SEC16B: variants seen among roughly 807,000 people sequenced by gnomAD.
SEC16B encodes the protein SEC16 homolog B, endoplasmic reticulum export factor.
A neutral mutation model predicts 141.8 loss-of-function variants in SEC16B; 115 were observed. The ratio of observed to expected loss-of-function variants is 0.81; its 90% confidence interval spans 0.70 to 0.95. The LOEUF is 0.95. Among genes scored for constraint, SEC16B ranks in the 40% least tolerant of loss-of-function variants. SEC16B has a pLI of 0.00. For synonymous variants in SEC16B, 493 were observed against 492.5 expected, an observed-to-expected ratio of 1.00 and a Z score of -0.01; for missense variants, 1,291 against 1,312.3, an observed-to-expected ratio of 0.98 and a Z score of 0.25.
At chr1:177,937,010 T>C (rs575401538) in intron 19 of SEC16B, among the ~76,000 whole-genome samples, 4 of 152,246 alleles carry the variant, frequency 2.6e-5, no homozygotes, top group Admixed American at 2.0e-4. Flanking sequence ...GGCTGGAAGA[T>C]AGCAATCTCC....
chr1:177,978,263 G>A (rs1376866816), intron 1 of SEC16B, among the ~76,000 whole-genome samples: 1 of 152,220 alleles, frequency 6.6e-6, no homozygotes, highest in African/African-American at 2.4e-5. Context: ...GAATAAATGA[G>A]ATAATGTACT....
intron 2 of SEC16B, among the ~76,000 whole-genome samples, chr1:177,966,658 C>T (rs994450422): frequency 3.9e-5 from 6 of 152,096 alleles, no homozygotes; most frequent in African/African-American, 1.4e-4. Flanking sequence ...CTCCATCTCC[C>T]GGGTTTAAGT....
At chr1:177,963,264 C>T (rs1172158695) in intron 5 of SEC16B, among the ~76,000 whole-genome samples, 3 of 151,892 alleles carry the variant, frequency 2.0e-5, no homozygotes, top group African/African-American at 7.2e-5. Flanking sequence ...TGACCTCATA[C>T]AAACCTAATA....
intron 14 of SEC16B, among the ~76,000 whole-genome samples, 162 bp from the exon 15 acceptor site, chr1:177,944,828 CAG>C (rs1362272045): frequency 1.3e-5 from 2 of 152,080 alleles, no homozygotes; most frequent in African/African-American, 2.4e-5. Context: ...TCTGGGCTCC[CAG>C]AGTGAGTGTT....
chr1:177,979,660 C>T (rs1046739741), intron 1 of SEC16B, among the ~76,000 whole-genome samples: 9 of 152,204 alleles, frequency 5.9e-5, no homozygotes, highest in African/African-American at 2.2e-4. Context: ...TTTCATGCTG[C>T]TGATAAAGAT....
chr1:177,960,162 G>T, intron 8 of SEC16B, 180 bp downstream of exon 8: 1 of 575,474 alleles, frequency 1.7e-6, no homozygotes, highest in South Asian at 2.5e-5. Flanking sequence ...CTATTGAATG[G>T]CTTGTCAAAA....
intron 20 of SEC16B, among the ~76,000 whole-genome samples, chr1:177,935,162 C>T (rs1300502459): frequency 1.3e-5 from 2 of 152,080 alleles, no homozygotes; most frequent in Non-Finnish European, 2.9e-5. Flanking sequence ...AGACACCTTC[C>T]TTGGCCACCC....
chr1:177,951,787 G>A (rs1367880840), intron 12 of SEC16B, 127 bp downstream of exon 12: 27 of 756,742 alleles, frequency 3.6e-5, no homozygotes, highest in Non-Finnish European at 5.9e-5. Flanking sequence ...GGCACATGGT[G>A]ATTAACAAAC....
rs1652765148 is a variant in SEC16B at position 177,958,119 on chromosome 1, A to T, written c.1365+13T>A. 1 of 1,468,102 alleles carries T rather than the reference A, an allele frequency of 6.8e-7. No individual in the cohort carries two copies. The highest frequency in any genetic ancestry group is 9.1e-7 in the Non-Finnish European group (1 of 1,102,942). The allele number at this position is 1,468,102 out of a possible 1,614,324, so 90.9% of individuals were successfully genotyped here. On this transcript the variant is annotated intron_variant, in intron 10 of 25. Coordinates refer to ENST00000308284, the MANE Select transcript of SEC16B (RefSeq NM_033127.4). ...GCTTTTTCAAAATAAGTATGGGGGA[A>T]GGGCATACTTGCCTTCTTCCTTCCA...
chr1:177,952,006 A>G lies in SEC16B; in HGVS notation c.1464-11T>C. On this transcript the variant is annotated splice_polypyrimidine_tract_variant and intron_variant, in intron 11 of 25. Transcript: ENST00000308284. ...AGCGTGCTGGTGAAGCTGCGGAGAG[A>G]AGGATAGTCAGCGAGGACCAAGCCC... 1 of 1,591,462 alleles carries G rather than the reference A, an allele frequency of 6.3e-7. No individual in the cohort carries two copies. Among genetic ancestry groups the G allele is most frequent in the Non-Finnish European group, 8.6e-7 (1 of 1,169,126 alleles).
chr1:177,944,438 A>G, intron 15 of SEC16B, 123 bp downstream of exon 15: 1 of 722,208 alleles, frequency 1.4e-6, no homozygotes, highest in South Asian at 1.7e-5. Context: ...CGCTTAAGCT[A>G]ATGAGGAAAA....
chr1:177,972,677 G>A (rs150325980), upstream of SEC16B, among the ~76,000 whole-genome samples: 225 of 152,196 alleles, frequency 1.5e-3, 1 homozygote, highest in Non-Finnish European at 2.7e-3. Context: ...TCCAAATGCC[G>A]GACAGCACTG....
upstream of SEC16B, among the ~76,000 whole-genome samples, chr1:177,970,497 C>T (rs544868932): frequency 1.6e-4 from 24 of 152,296 alleles, no homozygotes; most frequent in East Asian, 3.5e-3. Flanking sequence ...CCCAAAGAGA[C>T]AAGTTAATTC....
chr1:177,960,749 A>G, intron 7 of SEC16B, 42 bp downstream of exon 7: 1 of 1,561,498 alleles, frequency 6.4e-7, no homozygotes, highest in South Asian at 1.2e-5. Context: ...GTAGTTGGGT[A>G]AGCAGTGTGC....
Position 177,932,802 on chromosome 1 carries a change from G to A in SEC16B, c.2828C>T (p.Thr943Ile). 6.2e-7 allele frequency: 1 copy of A among 1,610,242 alleles called. No homozygotes were observed. The highest frequency in any genetic ancestry group is 2.2e-5 in the East Asian group (1 of 44,802). Residue 943 changes from threonine to isoleucine, a missense_variant, in exon 23 of 26, where the codon ACC (threonine) becomes ATC (isoleucine). Physicochemically the swap from Thr to Ile is moderately conservative, Grantham distance 89 (BLOSUM62 -1). This residue lies in a region of SEC16B where 605 missense variants were observed against 614.1 expected (regional missense o/e 0.99). Transcript: ENST00000308284. ...DSSDSPDSEE[T>I]PRASSPHQAG... Reference sequence around the variant, plus strand: ...CTGGTGGGGAGAAGATGCTCTGGGGGTCTCCTGCTTTGTGGAGAAAGAAAG... The same window carrying A: ...CTGGTGGGGAGAAGATGCTCTGGGGATCTCCTGCTTTGTGGAGAAAGAAAG...
At chr1:177,970,945 C>G (rs1653916586), upstream of SEC16B, among the ~76,000 whole-genome samples, 1 of 152,156 alleles carries the variant, frequency 6.6e-6, no homozygotes. Context: ...CCTTACTAGT[C>G]CAGGGAAAAC....
chr1:177,938,426 T>G (rs1338857906), intron 18 of SEC16B, among the ~76,000 whole-genome samples: 1 of 152,224 alleles, frequency 6.6e-6, no homozygotes, highest in Non-Finnish European at 1.5e-5. Flanking sequence ...ACCTCCTTTG[T>G]GAACAGTCAC....
intron 10 of SEC16B, among the ~76,000 whole-genome samples, chr1:177,955,552 A>AC (rs1320407469): frequency 1.3e-5 from 2 of 151,678 alleles, no homozygotes; most frequent in African/African-American, 2.4e-5. Flanking sequence ...TCTCCATGTC[A>AC]CCCAGGCTGG....
chr1:177,969,625 C>CTTGCACCTT (rs1215448526), intron 1 of SEC16B, among the ~76,000 whole-genome samples: 2 of 152,216 alleles, frequency 1.3e-5, no homozygotes, highest in Non-Finnish European at 2.9e-5. Flanking sequence ...AACACCCAAT[C>CTTGCACCTT]TTTCCACTGA....
Sources: gnomAD v4.1 joint callset for allele counts (sites outside exome capture counted in the v4.1 genomes callset) on GRCh38, gnomAD v4.1.1 for gene constraint, gnomAD v4.1.1 regional missense constraint, MANE v1.5 for transcripts, NCBI Gene and HGNC (gene_info 2026-07-23, HGNC 2026-07-21) for gene names.